The following ABCA13 variants were observed in gnomAD, a reference collection of about 807,000 sequenced individuals.
ABCA13 encodes ATP binding cassette subfamily A member 13.
In ABCA13, 476 loss-of-function variants were observed where a neutral mutation model predicts 478.7. The ratio of observed to expected loss-of-function variants is 0.99; its 90% confidence interval spans 0.92 to 1.07. ABCA13 has a LOEUF of 1.07. ABCA13 is among the 50% of genes least tolerant of loss of function. The pLI, the probability that ABCA13 is intolerant of heterozygous loss-of-function variation, is 0.00. For missense variants in ABCA13, 6,060 were observed against 5,910.6 expected (o/e 1.03, Z -0.83); for synonymous variants, 2,252 against 2,158.9 (o/e 1.04, Z -1.20).
intron 35 of ABCA13, among the ~76,000 whole-genome samples, chr7:48,382,929 A>G (rs1378561909): frequency 6.6e-6 from 1 of 152,120 alleles, no homozygotes; most frequent in Non-Finnish European, 1.5e-5. Context: ...GGAGAACAGA[A>G]GGGCAAGGGA....
At chr7:48,268,850 CTT>C (rs57201740) in intron 15 of ABCA13, 128 bp from the exon 16 acceptor site, 21,658 of 242,848 alleles carry the variant, frequency 0.089, 638 homozygotes, top group African/African-American at 0.18. Flanking sequence ...TCCTACTCAT[CTT>C]TTTTTTTTTT....
intron 29 of ABCA13, among the ~76,000 whole-genome samples, chr7:48,341,856 GATAT>G (rs66686757): frequency 8.5e-5 from 2 of 23,596 alleles, no homozygotes; most frequent in African/African-American, 1.4e-4. Flanking sequence ...ATATCTTTCT[GATAT>G]ATATATATAT....
At chr7:48,358,840 A>G (rs1366038944) in intron 31 of ABCA13, among the ~76,000 whole-genome samples, 2 of 152,032 alleles carry the variant, frequency 1.3e-5, no homozygotes, top group Admixed American at 6.5e-5. Context: ...TAGAATCTGT[A>G]TGACCTGAGA....
intron 46 of ABCA13, among the ~76,000 whole-genome samples, chr7:48,482,471 A>G (rs1256830591): frequency 6.6e-6 from 1 of 151,720 alleles, no homozygotes; most frequent in Non-Finnish European, 1.5e-5. Flanking sequence ...TCCGCCTCCC[A>G]GGTTCAAGCG....
Position 48,281,446 on chromosome 7 carries a change from G to A in ABCA13, c.8830G>A (p.Val2944Ile), listed in dbSNP as rs76512188. The A allele has an allele frequency of 9.5e-4, 1,515 of 1,592,634 alleles. 12 individuals carry two copies. In the African/African-American group the frequency reaches 0.018, roughly 19 times the overall value. ...GATGGTCGTACGTGTGCTCACCATCGTTGCAGGTGGGCTGCTCATATAACA... is the reference window on the plus strand; with the variant it reads ...GATGGTCGTACGTGTGCTCACCATCATTGCAGGTGGGCTGCTCATATAACA... Reference protein sequence around the residue: ...KMMVVRVLTIVAENPSWTKDI... With the variant: ...KMMVVRVLTIIAENPSWTKDI... Residue 2944 changes from valine (V) to isoleucine (I), a missense_variant, in exon 19 of 62, where the codon GTT (valine) becomes ATT (isoleucine). Physicochemically the swap from Val to Ile is conservative, Grantham distance 29 (BLOSUM62 3). This residue lies in a region of ABCA13 where 4,423 missense variants were observed against 4,309.1 expected (regional missense o/e 1.03). Transcript: ENST00000435803.
intron 3 of ABCA13, among the ~76,000 whole-genome samples, chr7:48,205,665 C>T (rs986125744): frequency 4.6e-5 from 7 of 152,114 alleles, no homozygotes; most frequent in Non-Finnish European, 1.0e-4. Flanking sequence ...TCTTGAGATC[C>T]TGATGCATTA....
At chr7:48,471,634 CT>C in intron 45 of ABCA13, 35 bp downstream of exon 45, 1 of 1,524,430 alleles carries the variant, frequency 6.6e-7, no homozygotes, top group Non-Finnish European at 8.8e-7. Context: ...CTTTTTAAGT[CT>C]AAAATTCAAG....
rs777870718 is a variant in ABCA13, at chr7:48,427,747, G to A, written c.12460-19G>A. ...ATAGAAACATAAAATAATACATGGC[G>A]TTTTTTTTTCTCCGAAAGGTGTTTT... On this transcript the variant is annotated intron_variant, in intron 41 of 61. Transcript: ENST00000435803. 3.5e-5 allele frequency: 50 copies of A among 1,443,216 alleles called. 1 individual carries two copies. Among genetic ancestry groups the A allele is most frequent in the African/African-American group, 3.0e-4 (21 of 71,162 alleles). 89.4% of individuals were successfully genotyped at this position (1,443,216 alleles called of 1,614,324 possible). A position where few individuals can be genotyped will look rare whatever the true frequency, so the allele number is the denominator to read the frequency against.
rs10249768 is a variant in ABCA13, at chr7:48,473,262, C to A, written c.12975+1663C>A. Among the ~76,000 whole-genome samples, 13 of 152,080 alleles carry A rather than the reference C, an allele frequency of 8.5e-5. No individual in the cohort carries two copies. The South Asian group carries it at 2.7e-3, about 32-fold the overall frequency. On this transcript the variant is annotated intron_variant, in intron 45 of 61. Transcript: ENST00000435803. Reference sequence around the variant, plus strand: ...TCAAGGTGGATGTGCCTGGCCCAGGCTAGCTCTTCTTATCTATAGTGTTGC... The same window carrying A: ...TCAAGGTGGATGTGCCTGGCCCAGGATAGCTCTTCTTATCTATAGTGTTGC...
At chr7:48,331,179 T>C (rs1392639413) in intron 27 of ABCA13, among the ~76,000 whole-genome samples, 1 of 152,218 alleles carries the variant, frequency 6.6e-6, no homozygotes. Context: ...TTTAATATTT[T>C]CCTCTATCTT....
chr7:48,374,377 G>C lies in ABCA13; in HGVS notation c.11164G>C (p.Gly3722Arg), dbSNP rs755313835. 1.9e-6 allele frequency: 3 copies of C among 1,610,608 alleles called. No individual in the cohort carries two copies. The highest frequency in any genetic ancestry group is 2.5e-6 in the Non-Finnish European group (3 of 1,178,632). The change falls in exon 34 of 62, where the codon GGG (glycine) becomes CGG (arginine). Residue 3722 changes from glycine to arginine, a missense_variant. Physicochemically the swap from Gly to Arg is moderately radical, Grantham distance 125. Transcript: ENST00000435803. ...TCTTTCGACAACCGCCTTTGGACAA[G>C]GGGTATTTTTTATTACATTCCTGGA... ...CLLSTTAFGQ[G>R]VFFITFLEGQ...
At chr7:48,637,593 A>G (rs1401703220) in intron 59 of ABCA13, among the ~76,000 whole-genome samples, 2 of 152,074 alleles carry the variant, frequency 1.3e-5, no homozygotes, top group Admixed American at 6.6e-5. Flanking sequence ...GCAAGAGGCC[A>G]CATAAGGGGC....
At chr7:48,490,859 G>A (rs1829778041) in intron 48 of ABCA13, among the ~76,000 whole-genome samples, 1 of 152,170 alleles carries the variant, frequency 6.6e-6, no homozygotes, top group African/African-American at 2.4e-5. Flanking sequence ...AATATGTTAG[G>A]AAGAATGATC....
intron 39 of ABCA13, among the ~76,000 whole-genome samples, chr7:48,405,385 C>T (rs1367351710): frequency 2.0e-5 from 3 of 152,200 alleles, no homozygotes; most frequent in African/African-American, 7.2e-5. Flanking sequence ...CCCAAAGATT[C>T]GAACCCTTCC....
chr7:48,597,477 C>T (rs1012254992), intron 58 of ABCA13, among the ~76,000 whole-genome samples: 3 of 152,046 alleles, frequency 2.0e-5, no homozygotes, highest in African/African-American at 7.2e-5. Flanking sequence ...TTAGATTTTT[C>T]TGAGTCAAGT....
In ABCA13 at chr7:48,410,540, A is replaced by G. The variant is rs78333373; in HGVS notation, c.12091A>G (p.Thr4031Ala). The G allele has an allele frequency of 2.4e-4, 391 of 1,613,856 alleles. No individual in the cohort carries two copies. The highest frequency in any genetic ancestry group is 3.1e-4 in the Non-Finnish European group (369 of 1,179,906). The change falls in exon 40 of 62, where the codon ACC becomes GCC. Residue 4031 changes from threonine (T) to alanine (A), a missense_variant. Thr to Ala is a moderately conservative substitution (Grantham distance 58, BLOSUM62 0). Around this residue, in one of 3 missense-constraint regions of ABCA13, gnomAD observed 1,627 missense variants for 1,571.0 expected, o/e 1.04. Transcript: ENST00000435803. The part of the protein sequence containing the change: ...YREGRTIIFT[T>A]HHLDEAEALS... ...CCCAGGTCGTACGATCATCTTCACA[A>G]CCCACCACCTGGATGAAGCTGAAGC...
At chr7:48,396,346 C>G (rs1010057918) in intron 38 of ABCA13, among the ~76,000 whole-genome samples, 5 of 152,200 alleles carry the variant, frequency 3.3e-5, no homozygotes, top group African/African-American at 1.2e-4. Flanking sequence ...GGAGGACTTT[C>G]ATTTGTTTAA....
Position 48,403,727 on chromosome 7 carries a change from C to A in ABCA13, c.11918C>A (p.Thr3973Asn), listed in dbSNP as rs758161119. Residue 3973 changes from threonine to asparagine, a missense_variant, in exon 39 of 62, where the codon ACC (threonine) becomes AAC (asparagine). Physicochemically the swap from Thr to Asn is moderately conservative, Grantham distance 65. This residue lies in a region of ABCA13 where 1,627 missense variants were observed against 1,571.0 expected (regional missense o/e 1.04). Coordinates refer to ENST00000435803, the MANE Select transcript of ABCA13 (RefSeq NM_152701.5). ...VDLTQHQHKQ[T>N]RALSGGLKRK... ...TTAACTCAGCATCAGCACAAACAGA[C>A]CCGAGCTCTGTCTGGAGGCCTGAAG... 3 of 1,613,998 alleles carry A rather than the reference C, an allele frequency of 1.9e-6. No individual in the cohort carries two copies. Among genetic ancestry groups the A allele is most frequent in the Admixed American group, 3.3e-5 (2 of 60,022 alleles).
At chr7:48,317,397 G>A (rs1802754599) in intron 27 of ABCA13, 101 bp downstream of exon 27, 1 of 1,271,058 alleles carries the variant, frequency 7.9e-7, no homozygotes, top group East Asian at 2.6e-5. Context: ...CTTGGATTAT[G>A]TAGAAGGCTC....
Sources: gnomAD v4.1 joint callset for allele counts (sites outside exome capture counted in the v4.1 genomes callset) on GRCh38, gnomAD v4.1.1 for gene constraint, gnomAD v4.1.1 regional missense constraint, MANE v1.5 for transcripts, NCBI Gene and HGNC (gene_info 2026-07-23, HGNC 2026-07-21) for gene names.